Variants in RGPD2 observed in about 807,000 individuals in gnomAD.
The protein encoded by RGPD2 is RANBP2 like and GRIP domain containing 2.
Under a neutral mutation model 36.0 loss-of-function variants are expected in RGPD2, and 2 were observed. The observed-to-expected ratio is 0.06, with a 90% CI of 0.02 to 0.17. The LOEUF (loss-of-function observed/expected upper bound fraction) is 0.17, where lower values mean the gene tolerates loss of function less well. Among genes scored for constraint, RGPD2 ranks in the 10% least tolerant of loss-of-function variants. The pLI, the probability that RGPD2 is intolerant of heterozygous loss-of-function variation, is 1.00. For missense variants in RGPD2, 40 were observed against 464.3 expected, an observed-to-expected ratio of 0.09 and a Z score of 8.40; for synonymous variants, 19 against 163.8, an observed-to-expected ratio of 0.12 and a Z score of 6.75.
At chr2:87,955,369 C>G in the RGPD2 span, among the ~76,000 whole-genome samples, 2 of 84,612 alleles carry the variant, frequency 2.4e-5, no homozygotes, top group Admixed American at 1.5e-4. Context: ...CAAAAACTTT[C>G]TCACATCCGT....
At chr2:87,978,160 C>A in the RGPD2 span, among the ~76,000 whole-genome samples, 1 of 151,094 alleles carries the variant, frequency 6.6e-6, no homozygotes, top group Non-Finnish European at 1.5e-5. Flanking sequence ...CATTGGATAA[C>A]TAAAATAAAA....
At chr2:87,922,996 G>A in the RGPD2 span, among the ~76,000 whole-genome samples, 1 of 150,206 alleles carries the variant, frequency 6.7e-6, no homozygotes, top group Non-Finnish European at 1.5e-5. Context: ...TTAATATTAT[G>A]TCTCCTAACT....
chr2:87,858,156 T>G, the RGPD2 span, among the ~76,000 whole-genome samples: 2 of 152,130 alleles, frequency 1.3e-5, no homozygotes, highest in Non-Finnish European at 2.9e-5. Flanking sequence ...TGCGTGCCTG[T>G]AATCCCAGCT....
At chr2:87,858,123 A>G in the RGPD2 span, among the ~76,000 whole-genome samples, 1 of 152,190 alleles carries the variant, frequency 6.6e-6, no homozygotes, top group Non-Finnish European at 1.5e-5. Flanking sequence ...ATTGAGTCAT[A>G]CGTACTCAGA....
chr2:87,980,207 C>T, the RGPD2 span, among the ~76,000 whole-genome samples: 9 of 149,770 alleles, frequency 6.0e-5, no homozygotes, highest in African/African-American at 1.5e-4. Context: ...AAAAATTAGC[C>T]GGGCATGGTG....
At chr2:87,963,806 A>T in the RGPD2 span, among the ~76,000 whole-genome samples, 1 of 131,486 alleles carries the variant, frequency 7.6e-6, no homozygotes, top group African/African-American at 3.1e-5. Context: ...AGGAGTGCCC[A>T]AAGAGAGAAC....
the RGPD2 span, among the ~76,000 whole-genome samples, chr2:87,870,182 T>A: frequency 1.3e-5 from 2 of 152,296 alleles, no homozygotes; most frequent in African/African-American, 2.4e-5. Flanking sequence ...TGTGTTGACA[T>A]CTTACAAAGG....
chr2:87,857,594 G>A, the RGPD2 span, among the ~76,000 whole-genome samples: 5 of 151,078 alleles, frequency 3.3e-5, no homozygotes, highest in Admixed American at 6.6e-5. Context: ...CGCCCGCCTC[G>A]GCCTCCCAAA....
the RGPD2 span, among the ~76,000 whole-genome samples, chr2:87,856,765 G>A: frequency 6.6e-6 from 1 of 152,118 alleles, no homozygotes. Flanking sequence ...ATACCAGATA[G>A]CTATGTATAC....
chr2:87,878,836 T>C, the RGPD2 span, among the ~76,000 whole-genome samples: 1 of 152,240 alleles, frequency 6.6e-6, no homozygotes, highest in Non-Finnish European at 1.5e-5. Context: ...TATACAGTAT[T>C]TGTCTCTTTG....
the RGPD2 span, among the ~76,000 whole-genome samples, chr2:87,945,177 A>G: frequency 6.6e-6 from 1 of 152,286 alleles, no homozygotes; most frequent in Non-Finnish European, 1.5e-5. Flanking sequence ...CAATGTATCT[A>G]TCAAGAGAAA....
chr2:87,834,800 G>A, the RGPD2 span, among the ~76,000 whole-genome samples: 2 of 152,002 alleles, frequency 1.3e-5, no homozygotes, highest in African/African-American at 2.4e-5. Context: ...ACACGAACAT[G>A]AGGATTTTTA....
the RGPD2 span, among the ~76,000 whole-genome samples, chr2:87,881,445 T>G: frequency 6.6e-6 from 1 of 152,082 alleles, no homozygotes; most frequent in East Asian, 1.9e-4. Flanking sequence ...TTCTCAAACA[T>G]CCTCTGAAAT....
the RGPD2 span, among the ~76,000 whole-genome samples, chr2:87,831,249 G>T: frequency 2.6e-5 from 4 of 151,800 alleles, no homozygotes; most frequent in Non-Finnish European, 5.9e-5. Flanking sequence ...GATATCAATG[G>T]AAAATAGTCA....
At chr2:87,897,641 A>G in the RGPD2 span, among the ~76,000 whole-genome samples, 2 of 150,182 alleles carry the variant, frequency 1.3e-5, no homozygotes, top group Non-Finnish European at 3.0e-5. Context: ...GTCTCCCCCA[A>G]CTGGCCCCCG....
chr2:87,826,876 A>T (rs1686824498), upstream of RGPD2, among the ~76,000 whole-genome samples: 2 of 93,136 alleles, frequency 2.1e-5, no homozygotes, highest in South Asian at 8.9e-4. Flanking sequence ...TTTAAGGAAT[A>T]ACTTTCTAAT....
the RGPD2 span, among the ~76,000 whole-genome samples, chr2:87,854,054 T>C: frequency 6.6e-6 from 1 of 151,510 alleles, no homozygotes; most frequent in Non-Finnish European, 1.5e-5. Context: ...CAGAATCGTG[T>C]GTGCTGAAAA....
At chr2:87,830,372 C>G (rs1190248171), upstream of RGPD2, among the ~76,000 whole-genome samples, 1 of 152,182 alleles carries the variant, frequency 6.6e-6, no homozygotes, top group African/African-American at 2.4e-5. Context: ...CATCTGAGAC[C>G]ACCTCAGCCT....
At chr2:87,914,519 C>T in the RGPD2 span, among the ~76,000 whole-genome samples, 5 of 28,510 alleles carry the variant, frequency 1.8e-4, no homozygotes, top group African/African-American at 9.0e-4. Flanking sequence ...CCACCTACAC[C>T]GCACATGATC....
Sources: gnomAD v4.1 joint callset for allele counts (sites outside exome capture counted in the v4.1 genomes callset) on GRCh38, gnomAD v4.1.1 for gene constraint, MANE v1.5 for transcripts, NCBI Gene and HGNC (gene_info 2026-07-23, HGNC 2026-07-21) for gene names.